The following PRKACB variants were observed in gnomAD, a reference collection of about 807,000 sequenced individuals.
The protein encoded by PRKACB is cAMP-dependent protein kinase catalytic subunit beta.
In PRKACB, 16 loss-of-function variants were observed where a neutral mutation model predicts 51.4. That is an observed-to-expected ratio of 0.31 (90% CI 0.21 to 0.47). The LOEUF (loss-of-function observed/expected upper bound fraction) is 0.47. Among genes scored for constraint, PRKACB ranks in the 20% least tolerant of loss-of-function variants. The pLI, the probability that PRKACB is intolerant of heterozygous loss-of-function variation, is 1.00. For missense variants in PRKACB, 309 were observed against 464.5 expected, an observed-to-expected ratio of 0.67 and a Z score of 3.08; for synonymous variants, 147 against 154.4, an observed-to-expected ratio of 0.95 and a Z score of 0.35.
chr1:84,198,070 A>G (rs1381427323), intron 7 of PRKACB, among the ~76,000 whole-genome samples: 1 of 152,108 alleles, frequency 6.6e-6, no homozygotes, highest in Non-Finnish European at 1.5e-5. Context: ...CTCTAGATCC[A>G]TGTTTTGCAA....
upstream of PRKACB, among the ~76,000 whole-genome samples, chr1:84,142,816 C>G (rs1349170869): frequency 6.6e-6 from 1 of 152,128 alleles, no homozygotes; most frequent in Non-Finnish European, 1.5e-5. Context: ...ATTCACTAAT[C>G]AGTGTTTTCT....
At chr1:84,232,362 A>AGGTGTGGTGT in intron 9 of PRKACB, among the ~76,000 whole-genome samples, 1 of 152,138 alleles carries the variant, frequency 6.6e-6, no homozygotes, top group Non-Finnish European at 1.5e-5. Context: ...ATATTGGAAT[A>AGGTGTGGTGT]GGTGTGGTGT....
At chr1:84,202,965 A>C (rs371789986) in intron 8 of PRKACB, among the ~76,000 whole-genome samples, 160 bp downstream of exon 8, 102 of 152,174 alleles carry the variant, frequency 6.7e-4, no homozygotes, top group African/African-American at 2.3e-3. Context: ...GAATCATTTC[A>C]GTCTCTTAAG....
intron 7 of PRKACB, among the ~76,000 whole-genome samples, 192 bp downstream of exon 7, chr1:84,198,016 A>G (rs150969417): frequency 1.5e-4 from 23 of 152,236 alleles, no homozygotes; most frequent in African/African-American, 5.5e-4. Flanking sequence ...ACCTCTGTCA[A>G]TTTTAACTCT....
intron 1 of PRKACB, among the ~76,000 whole-genome samples, chr1:84,134,170 C>T (rs1378009952): frequency 1.3e-5 from 2 of 152,190 alleles, no homozygotes; most frequent in East Asian, 3.9e-4. Flanking sequence ...TGTTTCTCCT[C>T]TCCATGTTTG....
intron 1 of PRKACB, among the ~76,000 whole-genome samples, chr1:84,158,893 T>C (rs540984088): frequency 6.6e-6 from 1 of 152,276 alleles, no homozygotes; most frequent in East Asian, 1.9e-4. Flanking sequence ...AAAAAGAATT[T>C]CCTTTCTCTA....
intron 1 of PRKACB, among the ~76,000 whole-genome samples, chr1:84,101,513 G>A (rs927353171): frequency 1.4e-4 from 22 of 152,108 alleles, no homozygotes; most frequent in African/African-American, 5.3e-4. Context: ...ATTTTCCCAA[G>A]CCAGAAATGG....
At chr1:84,196,593 T>C in intron 5 of PRKACB, 23 bp from the exon 6 acceptor site, 1 of 1,599,292 alleles carries the variant, frequency 6.3e-7, no homozygotes, top group African/African-American at 1.3e-5. Flanking sequence ...TTACAGAAAA[T>C]CAATGGTTTT....
chr1:84,079,754 C>T (rs748540486), intron 1 of PRKACB, among the ~76,000 whole-genome samples: 20 of 152,190 alleles, frequency 1.3e-4, no homozygotes, highest in Non-Finnish European at 2.6e-4. Flanking sequence ...CAACCTCTGC[C>T]TCCCAGGTTC....
chr1:84,181,713 A>G (rs1663543563), intron 2 of PRKACB: 7 of 1,521,528 alleles, frequency 4.6e-6, no homozygotes. Flanking sequence ...ATGAAGCAAG[A>G]CTGATTTCTT....
chr1:84,116,340 T>A (rs1000251356), intron 1 of PRKACB, among the ~76,000 whole-genome samples: 7 of 152,214 alleles, frequency 4.6e-5, no homozygotes, highest in South Asian at 2.1e-4. Flanking sequence ...CCTTTTAGGT[T>A]GCACATGAAT....
In PRKACB at chr1:84,236,279, A is replaced by G. The variant is rs1676652502; in HGVS notation, c.*974A>G. ...CTAAAAAGAACATTGGTTTAGATAA[A>G]TACTTATACTTTGCAAAGTCAAAAA... On this transcript the variant is annotated 3_prime_UTR_variant, in exon 10 of 10. Coordinates refer to ENST00000370685, the MANE Select transcript of PRKACB (RefSeq NM_182948.4). 1 of 152,660 alleles carries G rather than the reference A, an allele frequency of 6.6e-6. No individual in the cohort carries two copies. The highest frequency in any genetic ancestry group is 2.1e-4 in the South Asian group (1 of 4,832). The allele number at this position is 152,660 out of a possible 1,614,324, so 9.5% of individuals were successfully genotyped here.
At chr1:84,176,535 A>T (rs1661320429) in intron 1 of PRKACB, among the ~76,000 whole-genome samples, 1 of 151,830 alleles carries the variant, frequency 6.6e-6, no homozygotes. Context: ...ACAAATAATT[A>T]TGTTTATCTT....
chr1:84,191,741 C>A (rs753395321), intron 5 of PRKACB, among the ~76,000 whole-genome samples: 18 of 152,058 alleles, frequency 1.2e-4, no homozygotes, highest in Non-Finnish European at 2.2e-4. Context: ...TGCTCACCAC[C>A]TGGATGATAG....
At chr1:84,231,169 A>T (rs1378236125) in intron 9 of PRKACB, among the ~76,000 whole-genome samples, 1 of 152,050 alleles carries the variant, frequency 6.6e-6, no homozygotes, top group Non-Finnish European at 1.5e-5. Flanking sequence ...TTCTGCATCT[A>T]TTGAGATAAT....
At chr1:84,204,403 A>G in intron 8 of PRKACB, 5 of 1,070,976 alleles carry the variant, frequency 4.7e-6, no homozygotes, top group Non-Finnish European at 7.1e-6. Flanking sequence ...AACAAGTATC[A>G]GTATCACTGC....
chr1:84,185,905 T>G (rs933292207), intron 5 of PRKACB, among the ~76,000 whole-genome samples: 2 of 152,176 alleles, frequency 1.3e-5, no homozygotes, highest in Admixed American at 1.3e-4. Flanking sequence ...AATTCAACAT[T>G]TTATTGAGGA....
At chr1:84,225,662 T>C (rs1161308436) in intron 9 of PRKACB, among the ~76,000 whole-genome samples, 3 of 152,022 alleles carry the variant, frequency 2.0e-5, no homozygotes, top group Non-Finnish European at 4.4e-5. Context: ...TCTGGAACAA[T>C]GCTATTGTGT....
At chr1:84,180,321 G>A (rs919364237) in intron 2 of PRKACB, among the ~76,000 whole-genome samples, 1 of 150,374 alleles carries the variant, frequency 6.7e-6, no homozygotes, top group Non-Finnish European at 1.5e-5. Flanking sequence ...CTCAGGAATG[G>A]AAAACCAAAC....
Sources: gnomAD v4.1 joint callset for allele counts (sites outside exome capture counted in the v4.1 genomes callset) on GRCh38, gnomAD v4.1.1 for gene constraint, MANE v1.5 for transcripts, NCBI Gene and HGNC (gene_info 2026-07-23, HGNC 2026-07-21) for gene names.